PLCE1: variants seen among roughly 807,000 people sequenced by gnomAD.
The protein encoded by PLCE1 is 1-phosphatidylinositol 4,5-bisphosphate phosphodiesterase epsilon-1.
In PLCE1, 119 loss-of-function variants were observed where a neutral mutation model predicts 242.8. The observed-to-expected ratio is 0.49, with a 90% CI of 0.42 to 0.57. PLCE1 has a LOEUF of 0.57. PLCE1 is among the 20% of genes least tolerant of loss of function. The pLI, the probability that PLCE1 is intolerant of heterozygous loss-of-function variation, is 0.00. For synonymous variants in PLCE1, 945 were observed against 1,017.4 expected (o/e 0.93, Z 1.35); for missense variants, 2,441 against 2,788.8 (o/e 0.88, Z 2.81).
At chr10:94,279,680 G>A (rs2052120768) in intron 19 of PLCE1, 102 bp from the exon 20 acceptor site, 3 of 1,331,196 alleles carry the variant, frequency 2.3e-6, no homozygotes, top group Admixed American at 1.7e-5. Flanking sequence ...AATAGGTTAA[G>A]CCACTTTTAA....
Position 94,171,199 on chromosome 10 carries a change from T to C in PLCE1, c.1512T>C (p.Ser504=), listed in dbSNP as rs369110592. The change falls in exon 4 of 33, where the codon TCT becomes TCC. Residue 504 remains serine (S), a synonymous_variant. Transcript: ENST00000371380. ...MMLKERQPGP[S]VANSNALPSS... ...TTTTAGAACGCCAGCCAGGCCCCTC[T>C]GTGGCCAATTCCAATGCCCTCCCTT... is the stretch of plus-strand genomic sequence containing the variant. The C allele has an allele frequency of 9.3e-6, 15 of 1,614,088 alleles. No homozygotes were observed. Among genetic ancestry groups the C allele is most frequent in the Non-Finnish European group, 1.2e-5 (14 of 1,179,998 alleles).
At chr10:94,054,038 G>C (rs2134838647) in intron 2 of PLCE1, among the ~76,000 whole-genome samples, 1 of 152,236 alleles carries the variant, frequency 6.6e-6, no homozygotes, top group East Asian at 1.9e-4. Context: ...AAAAATGCAA[G>C]TCTGAGAGTC....
At chr10:94,256,520 A>G (rs1371412544) in intron 11 of PLCE1, among the ~76,000 whole-genome samples, 3 of 152,132 alleles carry the variant, frequency 2.0e-5, no homozygotes, top group Non-Finnish European at 4.4e-5. Context: ...AATTCTTTGT[A>G]CCACTCTTGC....
At chr10:94,228,395 G>A (rs1408668653) in intron 5 of PLCE1, among the ~76,000 whole-genome samples, 1 of 152,162 alleles carries the variant, frequency 6.6e-6, no homozygotes, top group African/African-American at 2.4e-5. Flanking sequence ...TGACTTCATT[G>A]AGCCTCAGTT....
intron 23 of PLCE1, among the ~76,000 whole-genome samples, chr10:94,296,532 C>T (rs2052822497): frequency 6.6e-6 from 1 of 152,158 alleles, no homozygotes; most frequent in South Asian, 2.1e-4. Context: ...CTCTGCTAGC[C>T]TCCAACTTTT....
At position 94,031,199 on chromosome 10, in the gene PLCE1, TCA is replaced by T. The variant is rs1219223998; in HGVS notation, c.154_155del (p.His52TyrfsTer9). Reference sequence around the variant, plus strand: ...CTGTCAGACGAAGTGGGGAGACTTCTCATACCATCTCACAACTGAACAAACTT... The same window carrying T: ...CTGTCAGACGAAGTGGGGAGACTTCTTACCATCTCACAACTGAACAAACTT... ...HTVRRSGETS[H>X]TISQLNKLKE... is the part of the protein sequence containing the mutation. On this transcript the variant is annotated frameshift_variant, in exon 2 of 33. Transcript: ENST00000371380. LOFTEE classifies it high-confidence loss of function. 2 of 1,613,702 alleles carry T rather than the reference TCA, an allele frequency of 1.2e-6. No individual in the cohort carries two copies. The highest frequency in any genetic ancestry group is 1.7e-6 in the Non-Finnish European group (2 of 1,179,840).
intron 2 of PLCE1, among the ~76,000 whole-genome samples, chr10:94,048,265 C>A (rs2043653407): frequency 6.6e-6 from 1 of 151,990 alleles, no homozygotes; most frequent in Non-Finnish European, 1.5e-5. Flanking sequence ...TTATATGTGT[C>A]CAAAATTTTC....
chr10:94,202,896 C>T (rs935398900), intron 4 of PLCE1, among the ~76,000 whole-genome samples: 5 of 152,138 alleles, frequency 3.3e-5, no homozygotes, highest in African/African-American at 4.8e-5. Context: ...TGTGTCCTCT[C>T]GGGTTTTTCT....
At chr10:94,220,374 TTTTATA>T (rs1378319258) in intron 4 of PLCE1, among the ~76,000 whole-genome samples, 26 of 38,416 alleles carry the variant, frequency 6.8e-4, no homozygotes, top group African/African-American at 1.9e-3. Flanking sequence ...AAACTAAACA[TTTTATA>T]TATATATATA....
At chr10:94,194,337 TAA>T (rs1001647314) in intron 4 of PLCE1, among the ~76,000 whole-genome samples, 1 of 152,230 alleles carries the variant, frequency 6.6e-6, no homozygotes, top group African/African-American at 2.4e-5. Flanking sequence ...ATGGTAATAC[TAA>T]GAGACAGCCC....
intron 4 of PLCE1, among the ~76,000 whole-genome samples, chr10:94,212,421 T>C (rs11187817): frequency 0.38 from 57,738 of 151,932 alleles, 11,148 homozygotes; most frequent in East Asian, 0.54. Context: ...TACGCCCAGC[T>C]GATTTTTTGT....
chr10:94,270,921 C>T (rs577979105), intron 18 of PLCE1, among the ~76,000 whole-genome samples: 22 of 152,264 alleles, frequency 1.4e-4, no homozygotes, highest in South Asian at 8.3e-4. Context: ...CCACCCATCT[C>T]GGCCTCCCAA....
intron 29 of PLCE1, among the ~76,000 whole-genome samples, chr10:94,317,412 C>T (rs2053613797): frequency 6.6e-6 from 1 of 152,172 alleles, no homozygotes; most frequent in African/African-American, 2.4e-5. Flanking sequence ...GAAAAGACAT[C>T]GTTGTGAGGG....
intron 3 of PLCE1, among the ~76,000 whole-genome samples, chr10:94,151,664 G>A (rs1176588306): frequency 6.6e-6 from 1 of 152,146 alleles, no homozygotes; most frequent in African/African-American, 2.4e-5. Flanking sequence ...GGATGAGAGA[G>A]GGGTGTGCAA....
rs112344246 is a variant in PLCE1 at position 94,218,908 on chromosome 10, A to AAATT, written c.1810-8397_1810-8396insATTA. Among the ~76,000 whole-genome samples the AAATT allele has an allele frequency of 1.8e-3, 258 of 146,836 alleles. 1 individual carries two copies. The highest frequency in any genetic ancestry group is 6.0e-3 in the African/African-American group (242 of 40,656). The stretch of plus-strand genomic sequence containing the variant: ...AATAATTTTATATATAATTATAAAA[A>AAATT]ATCTGACTATAAAAATTTTAATTAT... On this transcript the variant is annotated intron_variant, in intron 4 of 32. Coordinates refer to ENST00000371380, the MANE Select transcript of PLCE1 (RefSeq NM_016341.4).
Position 94,085,566 on chromosome 10 carries a change from A to C in PLCE1, c.1207-46608A>C, listed in dbSNP as rs962166814. Among the ~76,000 whole-genome samples, 9 of 152,300 alleles carry C rather than the reference A, an allele frequency of 5.9e-5. No homozygotes were observed. In the East Asian group the frequency reaches 1.7e-3, roughly 29 times the overall value. ...GGCCAGCTGGGCTGCAGGGTGTTCC[A>C]CATGTCCATTGAGGCACCCTGCCTA... On this transcript the variant is annotated intron_variant, in intron 2 of 32. Coordinates refer to ENST00000371380, the MANE Select transcript of PLCE1 (RefSeq NM_016341.4).
intron 2 of PLCE1, among the ~76,000 whole-genome samples, chr10:94,043,422 G>A (rs2061811051): frequency 6.6e-6 from 1 of 152,078 alleles, no homozygotes; most frequent in Non-Finnish European, 1.5e-5. Flanking sequence ...TGTTTTAATA[G>A]AATAAGGAAT....
chr10:94,098,758 C>G (rs2045408528), intron 2 of PLCE1, among the ~76,000 whole-genome samples: 1 of 152,196 alleles, frequency 6.6e-6, no homozygotes, highest in Non-Finnish European at 1.5e-5. Flanking sequence ...CCTTGAGTTA[C>G]TGTTTGAGGC....
chr10:94,277,793 T>C (rs1447203970), intron 19 of PLCE1, among the ~76,000 whole-genome samples: 1 of 152,018 alleles, frequency 6.6e-6, no homozygotes, highest in Admixed American at 6.6e-5. Context: ...GGGAAAAAAA[T>C]TTCCTGGTTA....
Sources: allele counts gnomAD v4.1 joint callset (sites outside exome capture counted in the v4.1 genomes callset), GRCh38; gene constraint gnomAD v4.1.1; transcripts MANE v1.5; gene names NCBI Gene and HGNC (gene_info 2026-07-23, HGNC 2026-07-21).